CTNNA3: variants seen among roughly 807,000 people sequenced by gnomAD.
The protein encoded by CTNNA3 is catenin alpha 3.
In CTNNA3, 76 loss-of-function variants were observed where a neutral mutation model predicts 95.7. The ratio of observed to expected loss-of-function variants is 0.79; its 90% CI spans 0.66 to 0.96. The LOEUF is 0.96. Ranked by LOEUF, CTNNA3 falls within the 40% of genes least tolerant of loss-of-function variation. The probability of loss-of-function intolerance (pLI) is 0.00; values close to 1 mark genes in which losing one functional copy is unlikely to be tolerated. For missense variants in CTNNA3, 1,191 were observed against 1,089.8 expected, an observed-to-expected ratio of 1.09 and a Z score of -1.31; for synonymous variants, 431 against 374.4, an observed-to-expected ratio of 1.15 and a Z score of -1.74.
At chr10:67,179,424 A>C (rs1284474079) in intron 7 of CTNNA3, among the ~76,000 whole-genome samples, 1 of 151,762 alleles carries the variant, frequency 6.6e-6, no homozygotes, top group Non-Finnish European at 1.5e-5. Context: ...CAGTGAAACA[A>C]AATGGACTTT....
chr10:66,875,643 TA>T (rs5785796), intron 7 of CTNNA3, among the ~76,000 whole-genome samples: 47,961 of 151,642 alleles, frequency 0.32, 9,213 homozygotes, highest in South Asian at 0.5. Flanking sequence ...AGCTTTAAAA[TA>T]AAAAAAATAG....
intron 10 of CTNNA3, among the ~76,000 whole-genome samples, chr10:66,574,432 G>A (rs1183152151): frequency 4.6e-5 from 7 of 151,702 alleles, no homozygotes. Context: ...GGAATCAAAA[G>A]TACCAATGAA....
At chr10:66,555,561 C>T (rs1842365129) in intron 10 of CTNNA3, among the ~76,000 whole-genome samples, 1 of 152,122 alleles carries the variant, frequency 6.6e-6, no homozygotes, top group African/African-American at 2.4e-5. Context: ...TGGACTACCT[C>T]CTGATTTCCA....
chr10:65,971,223 A>G (rs541254248), intron 16 of CTNNA3, among the ~76,000 whole-genome samples: 5 of 151,980 alleles, frequency 3.3e-5, no homozygotes, highest in African/African-American at 9.7e-5. Flanking sequence ...AAAGATCTCA[A>G]ATTAATGATT....
intron 7 of CTNNA3, among the ~76,000 whole-genome samples, chr10:66,943,282 G>A (rs1848109924): frequency 6.6e-6 from 1 of 151,976 alleles, no homozygotes; most frequent in African/African-American, 2.4e-5. Context: ...CTGTTGTGTG[G>A]ATTCATTAGT....
At chr10:67,017,714 A>G (rs1852740906) in intron 7 of CTNNA3, among the ~76,000 whole-genome samples, 1 of 148,608 alleles carries the variant, frequency 6.7e-6, no homozygotes, top group Non-Finnish European at 1.5e-5. Flanking sequence ...ATGTGATGTC[A>G]CAAAAATCAT....
intron 4 of CTNNA3, among the ~76,000 whole-genome samples, chr10:67,536,460 T>C (rs1375878308): frequency 6.6e-6 from 1 of 152,164 alleles, no homozygotes; most frequent in Non-Finnish European, 1.5e-5. Flanking sequence ...GTTGCATATG[T>C]TGCATATTAT....
rs182272399 is a variant in CTNNA3 at position 66,768,245 on chromosome 10, T to C, written c.1129-1829A>G. On this transcript the variant is annotated intron_variant, in intron 8 of 17. Coordinates refer to ENST00000433211, the MANE Select transcript of CTNNA3 (RefSeq NM_013266.4). ...GACATGTAGATTATTCTTTTCTTCT[T>C]TCATTCTAATTGAGACATGTAGAAG... Among the ~76,000 whole-genome samples the C allele has an allele frequency of 6.1e-3, 932 of 152,298 alleles. 6 individuals carry two copies. Among genetic ancestry groups the C allele is most frequent in the Non-Finnish European group, 0.01 (689 of 68,026 alleles).
At chr10:67,403,717 G>C (rs183797714) in intron 5 of CTNNA3, among the ~76,000 whole-genome samples, 4 of 152,298 alleles carry the variant, frequency 2.6e-5, no homozygotes, top group East Asian at 1.9e-4. Context: ...ACGCAGGAAG[G>C]CTGCTTCTTT....
intron 7 of CTNNA3, among the ~76,000 whole-genome samples, chr10:66,843,365 A>T (rs1348556378): frequency 2.0e-5 from 3 of 152,194 alleles, no homozygotes; most frequent in African/African-American, 7.2e-5. Context: ...AAGCATTTGC[A>T]TATGTGTAAA....
chr10:66,542,363 A>G (rs1179297995), intron 10 of CTNNA3, among the ~76,000 whole-genome samples: 2 of 152,116 alleles, frequency 1.3e-5, no homozygotes, highest in Non-Finnish European at 2.9e-5. Context: ...TAGAAATACC[A>G]TTTGACCCAG....
At chr10:67,167,755 G>C (rs1861839809) in intron 7 of CTNNA3, among the ~76,000 whole-genome samples, 1 of 152,128 alleles carries the variant, frequency 6.6e-6, no homozygotes, top group African/African-American at 2.4e-5. Context: ...AGCATGGTGA[G>C]GTAGCTCTAG....
chr10:65,924,847 G>A (rs1292469428), intron 17 of CTNNA3, among the ~76,000 whole-genome samples: 2 of 152,200 alleles, frequency 1.3e-5, no homozygotes, highest in Non-Finnish European at 2.9e-5. Context: ...AGGCAAGAAG[G>A]AACAAAGTCA....
intron 9 of CTNNA3, among the ~76,000 whole-genome samples, chr10:66,638,348 T>C (rs1200059969): frequency 1.3e-5 from 2 of 152,168 alleles, no homozygotes; most frequent in Admixed American, 1.3e-4. Flanking sequence ...ACATTCTATT[T>C]AGCCTATTAA....
intron 12 of CTNNA3, among the ~76,000 whole-genome samples, chr10:66,375,794 G>A (rs1589158311): frequency 1.3e-5 from 2 of 152,120 alleles, no homozygotes; most frequent in Middle Eastern, 6.8e-3. Context: ...AAAATTTATT[G>A]GCTCAAAATT....
rs201482024 is a variant in CTNNA3 at position 67,209,780 on chromosome 10, AG to A, written c.843+9826del. 2.7e-3 allele frequency among the ~76,000 whole-genome samples: 412 copies of A among 151,750 alleles called. 3 individuals are homozygous for A. Among genetic ancestry groups the A allele is most frequent in the African/African-American group, 9.3e-3 (386 of 41,354 alleles). The stretch of plus-strand genomic sequence containing the variant: ...ACACACTTCTAGTAGTATAAGGCAA[AG>A]AAAAAAAAACTAAGTTAAAACTAAC... On this transcript the variant is annotated intron_variant, in intron 6 of 17. Coordinates refer to ENST00000433211, the MANE Select transcript of CTNNA3 (RefSeq NM_013266.4).
At chr10:66,194,110 T>C (rs2086824960) in intron 13 of CTNNA3, among the ~76,000 whole-genome samples, 2 of 152,196 alleles carry the variant, frequency 1.3e-5, no homozygotes, top group African/African-American at 2.4e-5. Flanking sequence ...TTTCAAGGTA[T>C]GAGCAATGCA....
At chr10:67,629,019 A>C (rs12415922) in intron 2 of CTNNA3, among the ~76,000 whole-genome samples, 20,080 of 152,018 alleles carry the variant, frequency 0.13, 2,368 homozygotes, top group African/African-American at 0.32. Context: ...TAAAAAAAAA[A>C]ACTGGACTCA....
chr10:65,988,221 T>C (rs560548217), intron 16 of CTNNA3, among the ~76,000 whole-genome samples: 1 of 152,254 alleles, frequency 6.6e-6, no homozygotes, highest in East Asian at 1.9e-4. Flanking sequence ...GTTTGAGGAA[T>C]AGTATATGCT....
Sources: gnomAD v4.1 joint callset for allele counts (sites outside exome capture counted in the v4.1 genomes callset) on GRCh38, gnomAD v4.1.1 for gene constraint, MANE v1.5 for transcripts, NCBI Gene and HGNC (gene_info 2026-07-23, HGNC 2026-07-21) for gene names.